The following ADGRA1 variants were observed in gnomAD, a reference collection of about 807,000 sequenced individuals.
ADGRA1 encodes the protein adhesion G protein-coupled receptor A1.
In ADGRA1, 12 loss-of-function variants were observed where a neutral mutation model predicts 21.3. That is an observed-to-expected ratio of 0.56 (90% CI 0.36 to 0.91). ADGRA1 has a LOEUF of 0.91. ADGRA1 is among the 40% of genes least tolerant of loss of function. The probability of loss-of-function intolerance (pLI) is 0.01; values close to 1 mark genes in which losing one functional copy is unlikely to be tolerated. For synonymous variants in ADGRA1, 385 were observed against 368.8 expected (o/e 1.04, Z -0.50); for missense variants, 790 against 805.6 (o/e 0.98, Z 0.23).
intron 2 of ADGRA1, among the ~76,000 whole-genome samples, chr10:133,095,050 G>A (rs561347017): frequency 2.2e-4 from 33 of 152,266 alleles, no homozygotes; most frequent in South Asian, 1.0e-3. Flanking sequence ...CCCATGCATC[G>A]TCTCCTGATG....
intron 5 of ADGRA1, among the ~76,000 whole-genome samples, chr10:133,121,842 TGC>T (rs1411788975): frequency 6.8e-6 from 1 of 146,652 alleles, no homozygotes; most frequent in Non-Finnish European, 1.5e-5. Context: ...CATATATGTG[TGC>T]CTGTGCGTGT....
At chr10:133,112,002 C>CAA (rs1852036757) in intron 5 of ADGRA1, among the ~76,000 whole-genome samples, 2 of 125,420 alleles carry the variant, frequency 1.6e-5, no homozygotes, top group Non-Finnish European at 3.4e-5. Context: ...TGCCTCCAGA[C>CAA]CACCTGCCCA....
intron 2 of ADGRA1, among the ~76,000 whole-genome samples, chr10:133,094,821 G>A (rs561485356): frequency 2.6e-4 from 40 of 152,262 alleles, no homozygotes; most frequent in East Asian, 3.9e-4. Flanking sequence ...CTGGGGCGTC[G>A]CTCACGCCCT....
intron 5 of ADGRA1, among the ~76,000 whole-genome samples, chr10:133,120,267 T>A (rs1852230111): frequency 6.6e-6 from 1 of 152,024 alleles, no homozygotes; most frequent in Non-Finnish European, 1.5e-5. Context: ...TAGCTGGGCG[T>A]GGTGGCAGGT....
chr10:133,102,777 G>A lies in ADGRA1; in HGVS notation c.336G>A (p.Val112=). 1 of 1,612,862 alleles carries A rather than the reference G, an allele frequency of 6.2e-7. No individual in the cohort carries two copies. The highest frequency in any genetic ancestry group is 8.5e-7 in the Non-Finnish European group (1 of 1,179,878). The change falls in exon 5 of 7, where the codon GTG becomes GTA. Residue 112 remains valine, a synonymous_variant. Transcript: ENST00000392607. ...CCGCCAGGAACATCTACAAGCAGGT[G>A]ACCAAGAAGGCCCCTCTGTGCCTGG... ...GVTARNIYKQ[V]TKKAPLCLDT...
chr10:133,123,535 T>A (rs1397865349), intron 5 of ADGRA1, among the ~76,000 whole-genome samples: 4 of 152,144 alleles, frequency 2.6e-5, no homozygotes, highest in African/African-American at 9.7e-5. Flanking sequence ...CCTGTAACTG[T>A]GTGTAGCTGG....
Position 133,088,628 on chromosome 10 carries a change from C to T in ADGRA1, c.-202-80C>T, listed in dbSNP as rs1591162582. Reference sequence around the variant, plus strand: ...GAGGGAGCGACAGGGGCCGCGGCTGCTCCCTGGCGGGGTCGGGGCTGCGAG... The same window carrying T: ...GAGGGAGCGACAGGGGCCGCGGCTGTTCCCTGGCGGGGTCGGGGCTGCGAG... On this transcript the variant is annotated intron_variant, in intron 1 of 6. Transcript: ENST00000392607. The T allele has an allele frequency of 5.3e-6, 5 of 945,510 alleles. No homozygotes were observed. In the East Asian group the frequency reaches 1.1e-4, roughly 21 times the overall value. 58.6% of individuals were successfully genotyped at this position (945,510 alleles called of 1,614,324 possible). A position where few individuals can be genotyped will look rare whatever the true frequency, so the allele number is the denominator to read the frequency against.
intron 2 of ADGRA1, chr10:133,095,721 G>A (rs1290162894): frequency 6.3e-7 from 1 of 1,598,302 alleles, no homozygotes. Context: ...GACAAGAAGT[G>A]TGGCCTCAGG....
In ADGRA1 at chr10:133,111,216, CACA is replaced by C. The variant is rs1564848952; in HGVS notation, c.401+8375_401+8377del. 1.7e-3 allele frequency among the ~76,000 whole-genome samples: 239 copies of C among 136,922 alleles called. 7 individuals are homozygous for C. Among genetic ancestry groups the C allele is most frequent in the Non-Finnish European group, 2.4e-3 (157 of 64,726 alleles). The allele number at this position is 136,922 out of a possible 152,430, so 89.8% of individuals were successfully genotyped here. A position where few individuals can be genotyped will look rare whatever the true frequency, so the allele number is the denominator to read the frequency against. ...TAATCCCTCCAGACAACCTGCCCACCACAGGCACCTCCCTCCTAATCCCACCAG... is the reference window on the plus strand; with the variant it reads ...TAATCCCTCCAGACAACCTGCCCACCGGCACCTCCCTCCTAATCCCACCAG... On this transcript the variant is annotated intron_variant, in intron 5 of 6. Coordinates refer to ENST00000392607, the MANE Select transcript of ADGRA1 (RefSeq NM_001083909.3).
chr10:133,110,896 C>A (rs1233256745), intron 5 of ADGRA1, among the ~76,000 whole-genome samples: 5 of 152,148 alleles, frequency 3.3e-5, no homozygotes, highest in Admixed American at 6.5e-5. Context: ...GGGCCCTGGA[C>A]ACAGGTGCTG....
Position 133,088,030 on chromosome 10 carries a change from C to T in ADGRA1, c.-311C>T, listed in dbSNP as rs1851530856. The T allele has an allele frequency of 3.0e-6, 3 of 984,980 alleles. No individual in the cohort carries two copies. Among genetic ancestry groups the T allele is most frequent in the Non-Finnish European group, 3.6e-6 (3 of 829,828 alleles). The allele number at this position is 984,980 out of a possible 1,614,324, so 61.0% of individuals were successfully genotyped here. Reference sequence around the variant, plus strand: ...ATCTGTTGATAACTCGGTCCCAGCTCGGCCGCTGCCCTCGCGAATGGAGAG... The same window carrying T: ...ATCTGTTGATAACTCGGTCCCAGCTTGGCCGCTGCCCTCGCGAATGGAGAG... On this transcript the variant is annotated 5_prime_UTR_variant, in exon 1 of 7. Transcript: ENST00000392607.
intron 5 of ADGRA1, among the ~76,000 whole-genome samples, chr10:133,112,985 A>G (rs1591181174): frequency 7.0e-6 from 1 of 142,084 alleles, no homozygotes; most frequent in African/African-American, 2.7e-5. Flanking sequence ...CGCGTCAGTT[A>G]TTTGGGGTCT....
At chr10:133,108,411 A>G (rs975584202) in intron 5 of ADGRA1, among the ~76,000 whole-genome samples, 1 of 152,164 alleles carries the variant, frequency 6.6e-6, no homozygotes, top group African/African-American at 2.4e-5. Flanking sequence ...AAATGGGGCT[A>G]GGGTGACTCC....
intron 6 of ADGRA1, 63 bp from the exon 7 acceptor site, chr10:133,128,266 C>T (rs1039341011): frequency 1.4e-5 from 18 of 1,314,558 alleles, no homozygotes; most frequent in Non-Finnish European, 1.7e-5. Flanking sequence ...CTTTGCTCTG[C>T]AGGGGGCGTC....
chr10:133,121,446 T>C (rs1196415648), intron 5 of ADGRA1, among the ~76,000 whole-genome samples: 2 of 149,126 alleles, frequency 1.3e-5, no homozygotes, highest in African/African-American at 2.5e-5. Context: ...CGTGTGTGCG[T>C]GTGCGTGGAG....
In ADGRA1 at chr10:133,097,961, AAT is replaced by A. The variant is rs564594981; in HGVS notation, c.132-676_132-675del. On this transcript the variant is annotated intron_variant, in intron 3 of 6. Transcript: ENST00000392607. ...CTCTGCCCAGAGGCCCCCGCTTCCA[AAT>A]ATCATCAGCTTGGTGGTTAGTGCCG... Among the ~76,000 whole-genome samples, 186 of 152,234 alleles carry A rather than the reference AAT, an allele frequency of 1.2e-3. 1 individual carries two copies. Among genetic ancestry groups the A allele is most frequent in the African/African-American group, 4.4e-3 (181 of 41,532 alleles).
chr10:133,111,885 CACCACA>C (rs1564849515), intron 5 of ADGRA1, among the ~76,000 whole-genome samples: 1 of 102,376 alleles, frequency 9.8e-6, no homozygotes. Context: ...ACCACCTGCC[CACCACA>C]GACACCTCCC....
chr10:133,100,990 T>C (rs923563087), intron 4 of ADGRA1, among the ~76,000 whole-genome samples: 2 of 152,232 alleles, frequency 1.3e-5, no homozygotes, highest in African/African-American at 2.4e-5. Flanking sequence ...AGCTCCCCGA[T>C]GAACTGTCTG....
chr10:133,098,919 C>T (rs966014829), intron 4 of ADGRA1, among the ~76,000 whole-genome samples, 156 bp downstream of exon 4: 2 of 152,242 alleles, frequency 1.3e-5, no homozygotes, highest in African/African-American at 4.8e-5. Flanking sequence ...CCATGCAAGT[C>T]CACATGCTCC....
Sources: gnomAD v4.1 joint callset for allele counts (sites outside exome capture counted in the v4.1 genomes callset) on GRCh38, gnomAD v4.1.1 for gene constraint, MANE v1.5 for transcripts, NCBI Gene and HGNC (gene_info 2026-07-23, HGNC 2026-07-21) for gene names.